Variants in ZBTB20 observed in about 807,000 individuals in gnomAD.
ZBTB20 encodes zinc finger and BTB domain-containing protein 20.
ZBTB20 carries 9 observed loss-of-function variants against 56.9 expected under a neutral mutation model. The ratio of observed to expected loss-of-function variants is 0.16; its 90% CI spans 0.10 to 0.28. The LOEUF (loss-of-function observed/expected upper bound fraction) is 0.28. Ranked by LOEUF, ZBTB20 falls within the 10% of genes least tolerant of loss-of-function variation. The pLI is 1.00. For synonymous variants in ZBTB20, 417 were observed against 420.7 expected, an observed-to-expected ratio of 0.99 and a Z score of 0.11; for missense variants, 655 against 1,003.0, an observed-to-expected ratio of 0.65 and a Z score of 4.69.
At chr3:114,653,229 G>A (rs1310151921) in intron 6 of ZBTB20, among the ~76,000 whole-genome samples, 1 of 151,878 alleles carries the variant, frequency 6.6e-6, no homozygotes, top group African/African-American at 2.4e-5. Flanking sequence ...CAGGAGGAAA[G>A]CATTCAGATT....
intron 1 of ZBTB20, among the ~76,000 whole-genome samples, chr3:115,080,723 T>A (rs925423691): frequency 2.0e-5 from 3 of 152,190 alleles, no homozygotes; most frequent in African/African-American, 7.2e-5. Flanking sequence ...ATTGTTGTGA[T>A]GTTAATTCAT....
intron 6 of ZBTB20, among the ~76,000 whole-genome samples, chr3:114,621,242 C>T (rs991547795): frequency 1.3e-5 from 2 of 152,034 alleles, no homozygotes; most frequent in African/African-American, 2.4e-5. Flanking sequence ...CTACATCTTT[C>T]TTTTTGCAAA....
intron 7 of ZBTB20, among the ~76,000 whole-genome samples, chr3:114,499,254 A>C (rs2043657277): frequency 6.6e-6 from 1 of 152,164 alleles, no homozygotes; most frequent in South Asian, 2.1e-4. Context: ...TGGGGAGTTT[A>C]ATCAATCTCC....
chr3:114,399,376 A>T (rs1221890017), intron 7 of ZBTB20, among the ~76,000 whole-genome samples: 1 of 152,204 alleles, frequency 6.6e-6, no homozygotes, highest in African/African-American at 2.4e-5. Context: ...ACCTTAAAAT[A>T]GGTATAGCTT....
intron 1 of ZBTB20, among the ~76,000 whole-genome samples, chr3:115,079,642 C>A (rs2082725767): frequency 6.6e-6 from 1 of 152,148 alleles, no homozygotes; most frequent in South Asian, 2.1e-4. Context: ...GATCCACCCA[C>A]CTTGGCCTCC....
At chr3:114,961,051 A>T (rs1444377988) in intron 3 of ZBTB20, among the ~76,000 whole-genome samples, 1 of 151,974 alleles carries the variant, frequency 6.6e-6, no homozygotes, top group African/African-American at 2.4e-5. Context: ...TGGATTGGTG[A>T]AGAAATGGAA....
rs1352849352 is a variant in ZBTB20 at position 114,446,118 on chromosome 3, A to G, written c.-255+54234T>C. ...GGAGTTTTTGCCTGACTAAATTCTA[A>G]ACACATAGCTTAAATAAAGGGTTGA... On this transcript the variant is annotated intron_variant, in intron 7 of 11. Coordinates refer to ENST00000675478, the MANE Select transcript of ZBTB20 (RefSeq NM_001348800.3). 2.0e-5 allele frequency among the ~76,000 whole-genome samples: 3 copies of G among 152,088 alleles called. No homozygotes were observed. In the East Asian group the frequency reaches 5.8e-4, roughly 29 times the overall value.
At chr3:115,013,105 T>C (rs973258015) in intron 2 of ZBTB20, among the ~76,000 whole-genome samples, 1 of 151,334 alleles carries the variant, frequency 6.6e-6, no homozygotes, top group South Asian at 2.1e-4. Flanking sequence ...AGTACTTACA[T>C]GAAAAAATAG....
At chr3:114,672,193 C>G (rs1407000346) in intron 6 of ZBTB20, among the ~76,000 whole-genome samples, 2 of 152,072 alleles carry the variant, frequency 1.3e-5, no homozygotes, top group Non-Finnish European at 2.9e-5. Flanking sequence ...ATAACCACTT[C>G]CTGTTAATTT....
Position 114,787,368 on chromosome 3 carries a change from T to TATATACACATACAC in ZBTB20, c.-343+13732_-343+13733insGTGTATGTGTATAT, listed in dbSNP as rs1433434685. On this transcript the variant is annotated intron_variant, in intron 5 of 11. Transcript: ENST00000675478. ...ATATATATATATATATATATATATA[T>TATATACACATACAC]ACACACACACACACACACACACACA... 2.7e-3 allele frequency among the ~76,000 whole-genome samples: 287 copies of TATATACACATACAC among 106,278 alleles called. 5 individuals are homozygous for TATATACACATACAC. Among genetic ancestry groups the TATATACACATACAC allele is most frequent in the African/African-American group, 0.012 (272 of 22,018 alleles). 69.7% of individuals were successfully genotyped at this position (106,278 alleles called of 152,430 possible). A position where few individuals can be genotyped will look rare whatever the true frequency, so the allele number is the denominator to read the frequency against.
At chr3:115,141,384 G>A (rs2084807353) in intron 1 of ZBTB20, among the ~76,000 whole-genome samples, 1 of 152,098 alleles carries the variant, frequency 6.6e-6, no homozygotes, top group South Asian at 2.1e-4. Context: ...AATACATAAA[G>A]CAAAATAATT....
intron 6 of ZBTB20, among the ~76,000 whole-genome samples, chr3:114,623,491 T>G (rs976440682): frequency 2.0e-5 from 3 of 152,164 alleles, no homozygotes; most frequent in Non-Finnish European, 2.9e-5. Context: ...CTTGATACTA[T>G]GAATGCAGAA....
chr3:114,536,320 G>T (rs2048454666), intron 6 of ZBTB20, among the ~76,000 whole-genome samples: 1 of 152,116 alleles, frequency 6.6e-6, no homozygotes. Context: ...AAATCCATGT[G>T]CAAAAATCAC....
At chr3:114,708,054 A>C (rs1301343009) in intron 5 of ZBTB20, among the ~76,000 whole-genome samples, 1 of 152,118 alleles carries the variant, frequency 6.6e-6, no homozygotes, top group Non-Finnish European at 1.5e-5. Context: ...AAGAGAGGTA[A>C]GGTTTTTTCT....
At chr3:114,525,829 C>T (rs998183503) in intron 6 of ZBTB20, among the ~76,000 whole-genome samples, 3 of 152,212 alleles carry the variant, frequency 2.0e-5, no homozygotes, top group African/African-American at 7.2e-5. Context: ...TTTTACCCTG[C>T]TGTTAGCTAA....
In ZBTB20 at chr3:114,639,469, GTT is replaced by G. The variant is rs34453811; in HGVS notation, c.-295+54057_-295+54058del. On this transcript the variant is annotated intron_variant, in intron 6 of 11. Transcript: ENST00000675478. The stretch of plus-strand genomic sequence containing the variant: ...ACTAGTCCACAACAAAATTTCATTA[GTT>G]TTTTTTTTTTTCTCTCCTAGAGATT... Among the ~76,000 whole-genome samples the G allele has an allele frequency of 2.3e-3, 284 of 122,708 alleles. 3 individuals carry two copies. Among genetic ancestry groups the G allele is most frequent in the Middle Eastern group, 8.0e-3 (2 of 250 alleles). 80.5% of individuals were successfully genotyped at this position (122,708 alleles called of 152,430 possible). A position where few individuals can be genotyped will look rare whatever the true frequency, so the allele number is the denominator to read the frequency against.
intron 6 of ZBTB20, among the ~76,000 whole-genome samples, chr3:114,610,287 A>C (rs1199038047): frequency 6.6e-6 from 1 of 152,232 alleles, no homozygotes; most frequent in African/African-American, 2.4e-5. Flanking sequence ...GTGGTATAAC[A>C]AATGCACCCA....
chr3:114,501,281 C>T (rs894154035), intron 6 of ZBTB20, among the ~76,000 whole-genome samples: 2 of 152,122 alleles, frequency 1.3e-5, no homozygotes, highest in African/African-American at 4.8e-5. Flanking sequence ...GAGAAGCTGA[C>T]CCTAACAGTG....
At chr3:115,018,738 C>T (rs1030183730) in intron 2 of ZBTB20, among the ~76,000 whole-genome samples, 3 of 151,482 alleles carry the variant, frequency 2.0e-5, no homozygotes, top group Middle Eastern at 3.4e-3. Flanking sequence ...AACTACAATT[C>T]CTTGAAGAGT....
Sources: gnomAD v4.1 joint callset for allele counts (sites outside exome capture counted in the v4.1 genomes callset) on GRCh38, gnomAD v4.1.1 for gene constraint, MANE v1.5 for transcripts, NCBI Gene and HGNC (gene_info 2026-07-23, HGNC 2026-07-21) for gene names.